Variants in POLR2F observed in about 807,000 individuals in gnomAD.
POLR2F encodes DNA-directed RNA polymerases I, II, and III subunit RPABC2.
In POLR2F, 12 loss-of-function variants were observed where a neutral mutation model predicts 22.7. That is an observed-to-expected ratio of 0.53 (90% CI 0.34 to 0.86). The LOEUF is 0.86. Ranked by LOEUF, POLR2F falls within the 40% of genes least tolerant of loss-of-function variation. The probability of loss-of-function intolerance (pLI) is 0.02; values close to 1 mark genes in which losing one functional copy is unlikely to be tolerated. For synonymous variants in POLR2F, 57 were observed against 66.0 expected, an observed-to-expected ratio of 0.86 and a Z score of 0.66; for missense variants, 126 against 171.5, an observed-to-expected ratio of 0.73 and a Z score of 1.48.
chr22:38,024,745 C>G (rs1021018910), intron 1 of POLR2F, among the ~76,000 whole-genome samples: 1 of 151,918 alleles, frequency 6.6e-6, no homozygotes, highest in Admixed American at 6.6e-5. Flanking sequence ...TTGGTCTGGC[C>G]GAAGTGCAGG....
chr22:38,038,767 C>CG (rs2085141068), intron 5 of POLR2F, among the ~76,000 whole-genome samples: 1 of 151,806 alleles, frequency 6.6e-6, no homozygotes, highest in African/African-American at 2.4e-5. Flanking sequence ...CCCGGCCCCC[C>CG]ACCCACCCAA....
intron 1 of POLR2F, among the ~76,000 whole-genome samples, chr22:38,020,887 A>C (rs2084955610): frequency 6.6e-6 from 1 of 152,098 alleles, no homozygotes; most frequent in Middle Eastern, 3.4e-3. Context: ...ACATTCACTT[A>C]CTTGCAATCA....
chr22:37,977,963 C>T lies in POLR2F; in HGVS notation c.293+10793C>T, dbSNP rs61756177. 22 of 1,612,016 alleles carry T rather than the reference C, an allele frequency of 1.4e-5. No homozygotes were observed. The highest frequency in any genetic ancestry group is 1.7e-4 in the Middle Eastern group (1 of 5,974). ...CTCTTGTAGTGGGCCTGGATGGCGG[C>T]GGTCCCACCTTGCTCGGCCTCCCCA... is the stretch of plus-strand genomic sequence containing the variant. On this transcript the variant is annotated intron_variant, in intron 4 of 4. Transcript: ENST00000405557.
chr22:37,985,963 T>C (rs1191661716), upstream of POLR2F: 1 of 923,172 alleles, frequency 1.1e-6, no homozygotes, highest in Non-Finnish European at 1.6e-6. Context: ...TTGCTGGCCT[T>C]GGACAATCTC....
chr22:37,962,990 TA>T, intron 3 of POLR2F, among the ~76,000 whole-genome samples: 1 of 150,622 alleles, frequency 6.6e-6, no homozygotes, highest in Non-Finnish European at 1.5e-5. Context: ...GCGCCCAGCC[TA>T]TTTATTTTTT....
intron 4 of POLR2F, 182 bp from the exon 5 acceptor site, chr22:37,967,443 C>T (rs1931900633): frequency 7.0e-7 from 1 of 1,435,778 alleles, no homozygotes; most frequent in East Asian, 2.5e-5. Context: ...ATTCTTCCCC[C>T]TCTTGTCTGA....
intron 5 of POLR2F, chr22:38,033,010 AT>A (rs1473953041): frequency 6.0e-6 from 1 of 166,984 alleles, no homozygotes; most frequent in Non-Finnish European, 1.5e-5. Flanking sequence ...GACATAATTC[AT>A]GACCTCCCAA....
At chr22:38,022,969 C>T (rs1601912939) in intron 1 of POLR2F, among the ~76,000 whole-genome samples, 1 of 151,756 alleles carries the variant, frequency 6.6e-6, no homozygotes, top group Admixed American at 6.6e-5. Context: ...CAAGATCGTG[C>T]CATTGCACTC....
At chr22:37,994,003 A>G (rs1352166607) in intron 1 of POLR2F, among the ~76,000 whole-genome samples, 2 of 152,200 alleles carry the variant, frequency 1.3e-5, no homozygotes, top group Non-Finnish European at 2.9e-5. Context: ...GAAGTAAGGA[A>G]TGGCAAGTGC....
At chr22:37,983,296 G>A, upstream of POLR2F, 2 of 1,547,338 alleles carry the variant, frequency 1.3e-6, no homozygotes, top group Admixed American at 1.9e-5. The surrounding 1 kb of genome is among the most constrained non-coding windows in gnomAD (Gnocchi z 9.5). Flanking sequence ...GGGCCGCCTC[G>A]GCTACCCTGA....
downstream of POLR2F, chr22:37,973,771 G>A (rs147817756): frequency 1.6e-4 from 256 of 1,596,118 alleles, no homozygotes; most frequent in Non-Finnish European, 1.9e-4. Flanking sequence ...CGATCTGTGA[G>A]GTGGATGGCT....
chr22:37,986,184 G>A (rs1269937342), upstream of POLR2F: 1 of 1,542,730 alleles, frequency 6.5e-7, no homozygotes, highest in Non-Finnish European at 8.7e-7. This position sits in a 1 kb window ranked among gnomAD's most constrained non-coding sequence, Gnocchi z 4.7. Context: ...CGCCCGGAGA[G>A]GAGCCGCCCT....
downstream of POLR2F, chr22:37,973,156 G>C (rs1414987145): frequency 1.0e-5 from 3 of 292,280 alleles, no homozygotes; most frequent in African/African-American, 4.3e-5. Context: ...CAACCCTGGT[G>C]CTTCCCCTCC....
downstream of POLR2F, among the ~76,000 whole-genome samples, chr22:38,027,678 G>C (rs2085026958): frequency 6.6e-6 from 1 of 152,112 alleles, no homozygotes; most frequent in Admixed American, 6.5e-5. Flanking sequence ...ATATGCACGT[G>C]TGCACACACA....
intron 5 of POLR2F, chr22:38,032,593 G>A (rs2085077203): frequency 6.6e-6 from 1 of 152,358 alleles, no homozygotes; most frequent in African/African-American, 2.4e-5. Flanking sequence ...GCATGGGGCA[G>A]GGAAACCAGG....
intron 1 of POLR2F, among the ~76,000 whole-genome samples, chr22:37,956,503 A>G (rs1230202195): frequency 2.1e-5 from 3 of 144,160 alleles, no homozygotes; most frequent in Admixed American, 7.0e-5. Context: ...TGCAACCTCC[A>G]CCTCCTGGGT....
Position 38,037,669 on chromosome 22 carries a change from T to G in POLR2F, c.453-3399T>G, listed in dbSNP as rs1050761146. Among the ~76,000 whole-genome samples the G allele has an allele frequency of 2.0e-5, 3 of 151,646 alleles. No individual in the cohort carries two copies. In the East Asian group the frequency reaches 5.8e-4, roughly 29 times the overall value. On this transcript the variant is annotated intron_variant, in intron 5 of 5. Coordinates refer to the POLR2F transcript ENST00000407936. ...GTGCAGTGGCACCATCTCAGCTCAC[T>G]GCAACCTCCACCTCCCGGGTTCACG...
At chr22:37,986,122 A>AAC (rs146622008), upstream of POLR2F, 60 of 1,485,596 alleles carry the variant, frequency 4.0e-5, no homozygotes, top group South Asian at 3.8e-4. The surrounding 1 kb of genome is among the most constrained non-coding windows in gnomAD (Gnocchi z 4.7). Flanking sequence ...TCATGTGATT[A>AAC]ACACACACAC....
chr22:37,970,293 C>A (rs201641741), downstream of POLR2F, among the ~76,000 whole-genome samples: 70 of 132,568 alleles, frequency 5.3e-4, no homozygotes, highest in South Asian at 1.2e-3. Context: ...GACTCCGTCT[C>A]AAAAAAAAAA....
Sources: allele counts gnomAD v4.1 joint callset (sites outside exome capture counted in the v4.1 genomes callset), GRCh38; gene constraint gnomAD v4.1.1; non-coding constraint Gnocchi (gnomAD v3.1); transcripts MANE v1.5; gene names NCBI Gene and HGNC (gene_info 2026-07-23, HGNC 2026-07-21).